SH2D3A: variants seen among roughly 807,000 people sequenced by gnomAD.
SH2D3A encodes the protein SH2 domain containing 3A, also known as SH2 domain-containing protein 3A.
SH2D3A carries 46 observed loss-of-function variants against 50.6 expected under a neutral mutation model. The ratio of observed to expected loss-of-function variants is 0.91; its 90% confidence interval spans 0.72 to 1.16. SH2D3A has a LOEUF of 1.16. Ranked by LOEUF, SH2D3A falls within the 50% of genes most tolerant of loss-of-function variation. SH2D3A has a pLI of 0.00. For synonymous variants in SH2D3A, 377 were observed against 348.4 expected (o/e 1.08, Z -0.91); for missense variants, 783 against 786.2 (o/e 1.00, Z 0.05).
chr19:6,760,300 C>T lies in SH2D3A; in HGVS notation c.419+338G>A, dbSNP rs186889426. On this transcript the variant is annotated intron_variant, in intron 3 of 9. Transcript: ENST00000245908. The stretch of plus-strand genomic sequence containing the variant: ...CTGAGACAGGAGAATTGCTTGAACC[C>T]GGGAGGCGGAGGTTGCAGTGGGCTG... 1.5e-3 allele frequency among the ~76,000 whole-genome samples: 230 copies of T among 152,110 alleles called. 1 individual carries two copies. Among genetic ancestry groups the T allele is most frequent in the African/African-American group, 5.3e-3 (221 of 41,490 alleles).
chr19:6,753,763 G>A, intron 8 of SH2D3A, 122 bp from the exon 9 acceptor site: 2 of 1,117,906 alleles, frequency 1.8e-6, no homozygotes, highest in South Asian at 1.7e-5. Flanking sequence ...TCTGTGGAGA[G>A]GGGCCAGGAC....
chr19:6,763,708 G>A lies in SH2D3A; in HGVS notation c.41C>T (p.Pro14Leu). The A allele has an allele frequency of 6.2e-7, 1 of 1,612,684 alleles. No homozygotes were observed. Among genetic ancestry groups the A allele is most frequent in the Non-Finnish European group, 8.5e-7 (1 of 1,179,662 alleles). ...PQDGEDLAGQ[P>L]WYHGLLSRQK... ...GCGGGACAGGAGGCCGTGGTACCAA[G>A]GTTGGCCAGCAAGGTCTTCTCCATC... The change falls in exon 2 of 10, where the codon CCT (proline) becomes CTT (leucine). Residue 14 changes from proline (P) to leucine (L), a missense_variant. Pro to Leu is a moderately conservative substitution (Grantham distance 98). Coordinates refer to ENST00000245908, the MANE Select transcript of SH2D3A (RefSeq NM_005490.3).
In SH2D3A at chr19:6,752,339, G is replaced by A. The variant is rs1357215115; in HGVS notation, c.*254C>T. ...TATGATTTTGTTAAAGGCCGACACA[G>A]AGGTGAAGTCAACTGCTAGAAATCA... is the stretch of plus-strand genomic sequence containing the variant. On this transcript the variant is annotated 3_prime_UTR_variant, in exon 10 of 10. Coordinates refer to ENST00000245908, the MANE Select transcript of SH2D3A (RefSeq NM_005490.3). 2.6e-6 allele frequency: 1 copy of A among 381,514 alleles called. No homozygotes were observed. Among genetic ancestry groups the A allele is most frequent in the East Asian group, 3.8e-5 (1 of 26,000 alleles). 23.6% of individuals were successfully genotyped at this position (381,514 alleles called of 1,614,324 possible).
chr19:6,755,127 G>A lies in SH2D3A; in HGVS notation c.685C>T (p.Pro229Ser), dbSNP rs376034961. 1 of 1,613,926 alleles carries A rather than the reference G, an allele frequency of 6.2e-7. No individual in the cohort carries two copies. Among genetic ancestry groups the A allele is most frequent in the African/African-American group, 1.3e-5 (1 of 75,020 alleles). The change falls in exon 5 of 10, where the codon CCG (proline) becomes TCG (serine). Residue 229 changes from proline (P) to serine (S), a missense_variant. Pro to Ser is a moderately conservative substitution (Grantham distance 74, BLOSUM62 -1). Transcript: ENST00000245908. ...CGGGGCACCAGCTCGCAGTACGTCGGGGGACGTTCAGAGGCATCAGGCAGT... is the reference window on the plus strand; with the variant it reads ...CGGGGCACCAGCTCGCAGTACGTCGAGGGACGTTCAGAGGCATCAGGCAGT... ...FELPDASERP[P>S]TYCELVPRVP...
intron 4 of SH2D3A, chr19:6,757,411 G>C (rs1969755973): frequency 6.7e-6 from 1 of 150,106 alleles, no homozygotes; most frequent in African/African-American, 2.5e-5. Flanking sequence ...TTGACTTTCT[G>C]GGTTCAAGGA....
Position 6,754,160 on chromosome 19 carries a change from A to AC in SH2D3A, c.1275dup (p.Ser426ValfsTer22). ...TGGCGCCACGTGTGCTCCAACCGGG[A>AC]CACCTGGGAGAAGAGATCTGAGCAC... On this transcript the variant is annotated frameshift_variant, in exon 8 of 10. Coordinates refer to ENST00000245908, the MANE Select transcript of SH2D3A (RefSeq NM_005490.3). LOFTEE classifies it high-confidence loss of function. 1 of 1,612,802 alleles carries AC rather than the reference A, an allele frequency of 6.2e-7. No individual in the cohort carries two copies. Among genetic ancestry groups the AC allele is most frequent in the Non-Finnish European group, 8.5e-7 (1 of 1,179,570 alleles).
intron 1 of SH2D3A, among the ~76,000 whole-genome samples, chr19:6,765,384 G>C (rs912708081): frequency 6.6e-6 from 1 of 151,954 alleles, no homozygotes; most frequent in Admixed American, 6.6e-5. Context: ...ATGGCTTCTC[G>C]GCAACCTATG....
At chr19:6,759,923 C>T (rs536734919) in intron 3 of SH2D3A, among the ~76,000 whole-genome samples, 1 of 152,148 alleles carries the variant, frequency 6.6e-6, no homozygotes, top group Non-Finnish European at 1.5e-5. Context: ...TCCTCCCCCA[C>T]AACTAAGAAT....
At chr19:6,757,166 T>C (rs890083519) in intron 4 of SH2D3A, among the ~76,000 whole-genome samples, 1 of 151,870 alleles carries the variant, frequency 6.6e-6, no homozygotes, top group Non-Finnish European at 1.5e-5. Flanking sequence ...GGACTATTAG[T>C]ACTTAAAACT....
At chr19:6,761,976 A>G (rs1040620483) in intron 2 of SH2D3A, among the ~76,000 whole-genome samples, 1 of 150,312 alleles carries the variant, frequency 6.7e-6, no homozygotes, top group Non-Finnish European at 1.5e-5. Context: ...AAAAAAAAAA[A>G]CAAAAAAAAG....
rs1452958308 is a variant in SH2D3A at position 6,753,362 on chromosome 19, G to A, written c.1570+94C>T. The A allele has an allele frequency of 2.9e-6, 4 of 1,401,608 alleles. No homozygotes were observed. The African/African-American group carries it at 4.4e-5, about 15-fold the overall frequency. The allele number at this position is 1,401,608 out of a possible 1,614,324, so 86.8% of individuals were successfully genotyped here. A position where few individuals can be genotyped will look rare whatever the true frequency, so the allele number is the denominator to read the frequency against. On this transcript the variant is annotated intron_variant, in intron 9 of 9. Transcript: ENST00000245908. Reference sequence around the variant, plus strand: ...TGGGGCTCCGGGAGGCGTGGCGAGAGGCTCCCCTCCTGGGACAGGCTGGGT... The same window carrying A: ...TGGGGCTCCGGGAGGCGTGGCGAGAAGCTCCCCTCCTGGGACAGGCTGGGT...
At chr19:6,753,682 A>G (rs904101998) in intron 8 of SH2D3A, 41 bp from the exon 9 acceptor site, 3 of 1,492,950 alleles carry the variant, frequency 2.0e-6, no homozygotes, top group Admixed American at 2.2e-5. Flanking sequence ...GGGGCTGTAG[A>G]TGGGGCATAG....
rs1183153828 is a variant in SH2D3A at position 6,755,003 on chromosome 19, C to T, written c.809G>A (p.Cys270Tyr). ...AEEDEEEENR[C>Y]FTRPQAEISF... ...GATCTCAGCCTGTGGTCTTGTAAAACATCTATTCTCTTCCTCCTCATCCTC... is the reference window on the plus strand; with the variant it reads ...GATCTCAGCCTGTGGTCTTGTAAAATATCTATTCTCTTCCTCCTCATCCTC... Residue 270 changes from cysteine (C) to tyrosine (Y), a missense_variant, in exon 5 of 10, where the codon TGT (cysteine) becomes TAT (tyrosine). Cys to Tyr is a radical substitution (Grantham distance 194). Transcript: ENST00000245908. The T allele has an allele frequency of 1.9e-6, 3 of 1,613,836 alleles. No individual in the cohort carries two copies. The highest frequency in any genetic ancestry group is 2.7e-5 in the African/African-American group (2 of 74,896).
rs1969876371 is a variant in SH2D3A at position 6,759,311 on chromosome 19, C to A, written c.496+283G>T. 5 of 303,818 alleles carry A rather than the reference C, an allele frequency of 1.6e-5. 1 individual carries two copies. Among genetic ancestry groups the A allele is most frequent in the South Asian group, 1.5e-4 (5 of 32,682 alleles). 18.8% of individuals were successfully genotyped at this position (303,818 alleles called of 1,614,324 possible). On this transcript the variant is annotated intron_variant, in intron 4 of 9. Coordinates refer to ENST00000245908, the MANE Select transcript of SH2D3A (RefSeq NM_005490.3). ...TGTTTTTAGTGGAGATGGGGTTTCA[C>A]CATGTTGGCAAGGCTGGTCTCGAAT...
At chr19:6,760,590 C>T in intron 3 of SH2D3A, 48 bp downstream of exon 3, 1 of 1,432,264 alleles carries the variant, frequency 7.0e-7, no homozygotes, top group Non-Finnish European at 9.3e-7. Context: ...AGTTGGAAAA[C>T]CCTGCGAGTG....
At chr19:6,766,182 G>A (rs1231656814) in intron 1 of SH2D3A, among the ~76,000 whole-genome samples, 2 of 152,210 alleles carry the variant, frequency 1.3e-5, no homozygotes, top group African/African-American at 2.4e-5. Context: ...CTGAAGCCAG[G>A]TGTGTCTTTG....
rs759895225 is a variant in SH2D3A, at chr19:6,754,371, C to A, written c.1152G>T (p.Pro384=). 7 of 1,555,498 alleles carry A rather than the reference C, an allele frequency of 4.5e-6. No individual in the cohort carries two copies. The South Asian group carries it at 4.7e-5, about 10-fold the overall frequency. The change falls in exon 7 of 10, where the codon CCG becomes CCT. Residue 384 remains proline, a synonymous_variant. Transcript: ENST00000245908. Reference sequence around the variant, plus strand: ...TCAGTGCGGCTGCGCGCTCCTCCAGCGGCCCCGAGCAGCCCAGCACCGCCA... The same window carrying A: ...TCAGTGCGGCTGCGCGCTCCTCCAGAGGCCCCGAGCAGCCCAGCACCGCCA... ...GALAVLGCSG[P]LEERAAALRG...
rs760393209 is a variant in SH2D3A, at chr19:6,754,145, T to G, written c.1291A>C (p.Thr431Pro). The change falls in exon 8 of 10, where the codon ACG (threonine) becomes CCG (proline). Residue 431 changes from threonine (T) to proline (P), a missense_variant. Transcript: ENST00000245908. ...TGGCTCCTTCGGAGCTGGCGCCACG[T>G]GTGCTCCAACCGGGACACCTGGGAG... The part of the protein sequence containing the change: ...LMPQVSRLEH[T>P]WRQLRRSHTE... The G allele has an allele frequency of 2.5e-6, 4 of 1,613,226 alleles. No homozygotes were observed. The highest frequency in any genetic ancestry group is 1.7e-6 in the Non-Finnish European group (2 of 1,179,768).
rs199768523 is a variant in SH2D3A, at chr19:6,755,282, C to T, written c.530G>A (p.Arg177Gln). 1.9e-4 allele frequency: 289 copies of T among 1,517,268 alleles called. No individual in the cohort carries two copies. Among genetic ancestry groups the T allele is most frequent in the Non-Finnish European group, 2.3e-4 (260 of 1,132,858 alleles). 94.0% of individuals were successfully genotyped at this position (1,517,268 alleles called of 1,614,324 possible). A position where few individuals can be genotyped will look rare whatever the true frequency, so the allele number is the denominator to read the frequency against. The change falls in exon 5 of 10, where the codon CGA becomes CAA. Residue 177 changes from arginine to glutamine, a missense_variant. Arg to Gln is a conservative substitution (Grantham distance 43). Transcript: ENST00000245908. ...CAGCAACACCGGGTCACTGCTCGTT[C>T]GGGGCAAGGCAGATATGGGCATGGT... ...ASTMPISALP[R>Q]TSSDPVLLKA... is the part of the protein sequence containing the mutation.
Sources: gnomAD v4.1 joint callset for allele counts (sites outside exome capture counted in the v4.1 genomes callset) on GRCh38, gnomAD v4.1.1 for gene constraint, MANE v1.5 for transcripts, NCBI Gene and HGNC (gene_info 2026-07-23, HGNC 2026-07-21) for gene names.